Variants in KLF12 observed in about 807,000 individuals in gnomAD.
KLF12 encodes KLF transcription factor 12.
In KLF12, 9 loss-of-function variants were observed where a neutral mutation model predicts 37.8. The observed-to-expected ratio is 0.24, with a 90% CI of 0.14 to 0.42. The LOEUF is 0.42. KLF12 is among the 10% of genes least tolerant of loss of function. KLF12 has a pLI of 1.00. For synonymous variants in KLF12, 208 were observed against 202.1 expected (o/e 1.03, Z -0.25); for missense variants, 411 against 516.0 (o/e 0.80, Z 1.97).
chr13:74,037,321 T>C (rs1893276709), intron 1 of KLF12, among the ~76,000 whole-genome samples: 1 of 151,838 alleles, frequency 6.6e-6, no homozygotes, highest in Non-Finnish European at 1.5e-5. Context: ...CTTGCTTACA[T>C]AAACATGGAT....
At chr13:73,795,701 ATAAGAGACGGAAGG>A (rs374405266) in intron 5 of KLF12, among the ~76,000 whole-genome samples, 6 of 152,330 alleles carry the variant, frequency 3.9e-5, no homozygotes, top group Admixed American at 1.3e-4. Flanking sequence ...TTTCCAAATG[ATAAGAGACGGAAGG>A]TTAGAGAGCT....
chr13:73,863,783 C>T (rs911096912), intron 3 of KLF12, among the ~76,000 whole-genome samples: 3 of 152,050 alleles, frequency 2.0e-5, no homozygotes, highest in Admixed American at 1.3e-4. Context: ...GGAATTCAAA[C>T]TTTTGGTAGG....
At chr13:74,159,037 T>C in the KLF12 span, among the ~76,000 whole-genome samples, 1 of 152,194 alleles carries the variant, frequency 6.6e-6, no homozygotes, top group African/African-American at 2.4e-5. Context: ...CTTCTCTGTA[T>C]GTAAATATGA....
At chr13:74,143,714 T>A in the KLF12 span, among the ~76,000 whole-genome samples, 1 of 152,286 alleles carries the variant, frequency 6.6e-6, no homozygotes, top group East Asian at 1.9e-4. Flanking sequence ...ACCTACAATT[T>A]TTTTACTTTA....
chr13:73,730,221 C>A (rs537807798), intron 6 of KLF12, among the ~76,000 whole-genome samples: 149 of 152,286 alleles, frequency 9.8e-4, no homozygotes, highest in African/African-American at 3.3e-3. Flanking sequence ...TGGTCTCACC[C>A]AGCCTCAGGC....
At chr13:74,287,166 A>G in the KLF12 span, among the ~76,000 whole-genome samples, 2 of 152,086 alleles carry the variant, frequency 1.3e-5, no homozygotes, top group Non-Finnish European at 2.9e-5. Flanking sequence ...TTAGCATGCA[A>G]AGCTGCAGGC....
At chr13:74,197,780 A>G in the KLF12 span, among the ~76,000 whole-genome samples, 1 of 152,198 alleles carries the variant, frequency 6.6e-6, no homozygotes, top group Admixed American at 6.5e-5. Flanking sequence ...CGCAATAAGC[A>G]TTTTATGAAA....
chr13:73,868,530 A>G (rs1053418383), intron 3 of KLF12, among the ~76,000 whole-genome samples: 1 of 151,846 alleles, frequency 6.6e-6, no homozygotes, highest in Non-Finnish European at 1.5e-5. Flanking sequence ...AGCTGGGACT[A>G]CAGGTGCACA....
At chr13:74,134,964 C>T (rs1179410889), upstream of KLF12, among the ~76,000 whole-genome samples, 1 of 151,628 alleles carries the variant, frequency 6.6e-6, no homozygotes. Context: ...TGGGGCAGCT[C>T]GCGGGGACCG....
chr13:74,169,013 T>C, the KLF12 span, among the ~76,000 whole-genome samples: 1 of 152,188 alleles, frequency 6.6e-6, no homozygotes, highest in African/African-American at 2.4e-5. Context: ...ATGCTTTTAA[T>C]GATTTAGTTA....
At chr13:73,823,655 T>C (rs530177117) in intron 4 of KLF12, among the ~76,000 whole-genome samples, 1 of 152,336 alleles carries the variant, frequency 6.6e-6, no homozygotes, top group South Asian at 2.1e-4. Context: ...ATATACATAC[T>C]GTTGGACCTT....
chr13:74,159,924 C>T, the KLF12 span, among the ~76,000 whole-genome samples: 1 of 147,186 alleles, frequency 6.8e-6, no homozygotes, highest in East Asian at 2.1e-4. Context: ...ATCACTTGGG[C>T]CCAAGAGGTC....
chr13:74,289,879 C>T, the KLF12 span, among the ~76,000 whole-genome samples: 2 of 152,092 alleles, frequency 1.3e-5, no homozygotes. Context: ...GGACAGCCAC[C>T]TTATATCGGA....
intron 3 of KLF12, among the ~76,000 whole-genome samples, chr13:73,933,784 T>C (rs1889794215): frequency 6.6e-6 from 1 of 152,178 alleles, no homozygotes; most frequent in Non-Finnish European, 1.5e-5. Context: ...TGCTCTCCTA[T>C]ACAGTTATAA....
intron 7 of KLF12, among the ~76,000 whole-genome samples, chr13:73,701,963 A>T (rs1030766733): frequency 6.6e-6 from 1 of 152,230 alleles, no homozygotes; most frequent in African/African-American, 2.4e-5. Flanking sequence ...TAAGAAGAGC[A>T]TCTGTTTTTT....
chr13:73,909,909 A>G lies in KLF12; in HGVS notation c.123+34072T>C. On this transcript the variant is annotated intron_variant, in intron 3 of 7. Coordinates refer to ENST00000377669, the MANE Select transcript of KLF12 (RefSeq NM_007249.5). The stretch of plus-strand genomic sequence containing the variant: ...CAATTTGGTTATTTTGTATATAATC[A>G]CCCTGTACGTGTACATTTCTATATA... 1.3e-5 allele frequency among the ~76,000 whole-genome samples: 2 copies of G among 152,204 alleles called. 1 individual carries two copies. Among genetic ancestry groups the G allele is most frequent in the South Asian group, 4.1e-4 (2 of 4,824 alleles).
chr13:73,695,691 A>G lies in KLF12; in HGVS notation c.1028-20T>C. 1.2e-6 allele frequency: 2 copies of G among 1,611,756 alleles called. No homozygotes were observed. Among genetic ancestry groups the G allele is most frequent in the South Asian group, 1.1e-5 (1 of 90,936 alleles). ...TCTCTCCTGGAAGAAACAAAGGAACACAAGCTTTGGTGCTCCATCCATCAC... is the reference window on the plus strand; with the variant it reads ...TCTCTCCTGGAAGAAACAAAGGAACGCAAGCTTTGGTGCTCCATCCATCAC... On this transcript the variant is annotated intron_variant, in intron 7 of 7. Transcript: ENST00000377669.
chr13:74,278,402 C>T, the KLF12 span, among the ~76,000 whole-genome samples: 1 of 152,276 alleles, frequency 6.6e-6, no homozygotes, highest in African/African-American at 2.4e-5. Context: ...ATGGCCCTCT[C>T]CTTATCTCCA....
chr13:74,122,425 T>C (rs936869695), intron 1 of KLF12, among the ~76,000 whole-genome samples: 23 of 152,172 alleles, frequency 1.5e-4, no homozygotes, highest in Non-Finnish European at 2.9e-4. Context: ...CTGATGGTGA[T>C]TGGGGAGAGC....
Sources: allele counts gnomAD v4.1 joint callset (sites outside exome capture counted in the v4.1 genomes callset), GRCh38; gene constraint gnomAD v4.1.1; transcripts MANE v1.5; gene names NCBI Gene and HGNC (gene_info 2026-07-23, HGNC 2026-07-21).